LSAMP: variants seen among roughly 807,000 people sequenced by gnomAD.
The protein encoded by LSAMP is limbic system associated membrane protein, also known as limbic system-associated membrane protein.
Under a neutral mutation model 38.6 loss-of-function variants are expected in LSAMP, and 7 were observed. The ratio of observed to expected loss-of-function variants is 0.18; its 90% CI spans 0.10 to 0.34. The LOEUF is 0.34. Ranked by LOEUF, LSAMP falls within the 10% of genes least tolerant of loss-of-function variation. LSAMP has a pLI of 1.00. For synonymous variants in LSAMP, 154 were observed against 166.8 expected (o/e 0.92, Z 0.59); for missense variants, 313 against 420.0 (o/e 0.75, Z 2.23).
chr3:116,305,932 GC>G (rs756957345), intron 1 of LSAMP, among the ~76,000 whole-genome samples: 136 of 44,912 alleles, frequency 3.0e-3, no homozygotes, highest in Admixed American at 0.023. Flanking sequence ...TTATTTCAGT[GC>G]TTTTTTTTTT....
At chr3:116,250,711 A>AAT (rs2046669938) in intron 1 of LSAMP, among the ~76,000 whole-genome samples, 1 of 150,898 alleles carries the variant, frequency 6.6e-6, no homozygotes, top group Non-Finnish European at 1.5e-5. Context: ...AAAAAAAAAA[A>AAT]ATACAAATAT....
At chr3:116,355,644 G>A (rs574664129) in intron 1 of LSAMP, among the ~76,000 whole-genome samples, 42 of 152,098 alleles carry the variant, frequency 2.8e-4, no homozygotes, top group South Asian at 6.2e-4. Context: ...ACAAAATGAA[G>A]AGAAAACCCA....
intron 1 of LSAMP, among the ~76,000 whole-genome samples, chr3:116,186,148 G>T (rs1262389321): frequency 6.6e-6 from 1 of 152,084 alleles, no homozygotes; most frequent in Non-Finnish European, 1.5e-5. Flanking sequence ...GTCAGGCCAG[G>T]GTGGCCCTTT....
intron 1 of LSAMP, among the ~76,000 whole-genome samples, chr3:116,341,929 A>G (rs1447258859): frequency 6.6e-6 from 1 of 152,070 alleles, no homozygotes; most frequent in African/African-American, 2.4e-5. Context: ...TGGCTGGATA[A>G]GCAATGACTA....
chr3:116,279,837 T>G (rs922680479), intron 1 of LSAMP, among the ~76,000 whole-genome samples: 3 of 152,206 alleles, frequency 2.0e-5, no homozygotes, highest in African/African-American at 7.2e-5. Context: ...ATAAATGATT[T>G]TCATATGTCA....
At chr3:116,381,708 T>G (rs2048560313) in intron 1 of LSAMP, among the ~76,000 whole-genome samples, 1 of 152,068 alleles carries the variant, frequency 6.6e-6, no homozygotes, top group African/African-American at 2.4e-5. Flanking sequence ...TATTAGAGAG[T>G]GCATTCCTTC....
At position 115,869,269 on chromosome 3, in the gene LSAMP, G is replaced by GGAGAGAGAGAGAGA. The variant is rs35112915; in HGVS notation, c.515-16666_515-16653dup. ...CCTTCATAACCTCTATCTTGGAGGG[G>GGAGAGAGAGAGAGA]GAGAGAGAGAGAGAGAGAGAGAGAG... On this transcript the variant is annotated intron_variant, in intron 3 of 6. Coordinates refer to ENST00000490035, the MANE Select transcript of LSAMP (RefSeq NM_002338.5). Among the ~76,000 whole-genome samples the GGAGAGAGAGAGAGA allele has an allele frequency of 8.3e-3, 1,072 of 128,424 alleles. 19 individuals carry two copies. The highest frequency in any genetic ancestry group is 0.025 in the South Asian group (94 of 3,784). 84.3% of individuals were successfully genotyped at this position (128,424 alleles called of 152,430 possible). A position where few individuals can be genotyped will look rare whatever the true frequency, so the allele number is the denominator to read the frequency against.
At chr3:116,172,262 G>A (rs537328104) in intron 1 of LSAMP, among the ~76,000 whole-genome samples, 25 of 151,826 alleles carry the variant, frequency 1.6e-4, no homozygotes, top group East Asian at 3.9e-4. Context: ...GTTCACAACC[G>A]TCTATAATCT....
chr3:116,096,100 G>A (rs968751593), intron 1 of LSAMP, among the ~76,000 whole-genome samples: 1 of 151,886 alleles, frequency 6.6e-6, no homozygotes, highest in African/African-American at 2.4e-5. Context: ...TGTTTAAAAG[G>A]GTTTTAAAAA....
intron 1 of LSAMP, among the ~76,000 whole-genome samples, chr3:116,348,541 C>G (rs1391806232): frequency 6.6e-6 from 1 of 152,034 alleles, no homozygotes; most frequent in Non-Finnish European, 1.5e-5. Flanking sequence ...ATCCCTGTAA[C>G]CTTAATAGTA....
At chr3:116,159,984 C>A (rs1388984332) in intron 1 of LSAMP, among the ~76,000 whole-genome samples, 1 of 152,132 alleles carries the variant, frequency 6.6e-6, no homozygotes, top group African/African-American at 2.4e-5. Context: ...GGACAGAAAA[C>A]AAAATACTGC....
intron 6 of LSAMP, among the ~76,000 whole-genome samples, chr3:115,812,123 G>A (rs1038394642): frequency 6.6e-6 from 1 of 152,150 alleles, no homozygotes; most frequent in African/African-American, 2.4e-5. Context: ...TTTGATAGGA[G>A]AGTTTTGGCT....
intron 3 of LSAMP, among the ~76,000 whole-genome samples, chr3:115,858,457 A>G (rs535629602): frequency 6.6e-6 from 1 of 152,346 alleles, no homozygotes; most frequent in East Asian, 1.9e-4. Flanking sequence ...GACTTTAAAA[A>G]TATAGAATTC....
intron 1 of LSAMP, among the ~76,000 whole-genome samples, chr3:116,181,874 C>A (rs1047140246): frequency 6.6e-6 from 1 of 151,928 alleles, no homozygotes; most frequent in Admixed American, 6.6e-5. Context: ...GAATGAAAAT[C>A]TCTTTCGTGG....
chr3:116,019,765 G>C (rs1940586523), intron 2 of LSAMP, 125 bp from the exon 3 acceptor site: 1 of 1,081,832 alleles, frequency 9.2e-7, no homozygotes, highest in Admixed American at 1.9e-5. Context: ...TAAGAAGTAG[G>C]ATGCTTTTAA....
intron 1 of LSAMP, among the ~76,000 whole-genome samples, chr3:116,223,630 T>TGAAAC (rs1449121357): frequency 6.6e-6 from 1 of 152,208 alleles, no homozygotes; most frequent in Admixed American, 6.5e-5. Flanking sequence ...TATAAAAATG[T>TGAAAC]GAAACTTACA....
chr3:115,862,307 T>G (rs1935729429), intron 3 of LSAMP, among the ~76,000 whole-genome samples: 1 of 152,208 alleles, frequency 6.6e-6, no homozygotes, highest in South Asian at 2.1e-4. Flanking sequence ...AGTAAGTGAA[T>G]GTGTTAAACT....
At chr3:116,085,070 A>G (rs1303009204) in intron 2 of LSAMP, among the ~76,000 whole-genome samples, 1 of 152,202 alleles carries the variant, frequency 6.6e-6, no homozygotes, top group African/African-American at 2.4e-5. Flanking sequence ...ACAAATTTAA[A>G]TAGGTTGCCT....
intron 1 of LSAMP, among the ~76,000 whole-genome samples, chr3:116,196,280 G>C (rs1710880928): frequency 6.6e-6 from 1 of 152,140 alleles, no homozygotes; most frequent in South Asian, 2.1e-4. Context: ...ATAGCAACTA[G>C]AATAATTCCT....
Sources: allele counts gnomAD v4.1 joint callset (sites outside exome capture counted in the v4.1 genomes callset), GRCh38; gene constraint gnomAD v4.1.1; transcripts MANE v1.5; gene names NCBI Gene and HGNC (gene_info 2026-07-23, HGNC 2026-07-21).